Variants in TIAL1 observed in about 807,000 individuals in gnomAD.
The protein encoded by TIAL1 is TIA1 cytotoxic granule associated RNA binding protein like 1.
TIAL1 carries 7 observed loss-of-function variants against 59.7 expected under a neutral mutation model. The observed-to-expected ratio is 0.12, with a 90% confidence interval of 0.07 to 0.22. TIAL1 has a LOEUF of 0.22. TIAL1 is among the 10% of genes least tolerant of loss of function. The pLI, the probability that TIAL1 is intolerant of heterozygous loss-of-function variation, is 1.00. For missense variants in TIAL1, 225 were observed against 462.5 expected (o/e 0.49, Z 4.71); for synonymous variants, 149 against 146.3 (o/e 1.02, Z -0.13).
chr10:119,592,531 C>T (rs1348774469), intron 1 of TIAL1, among the ~76,000 whole-genome samples: 2 of 152,152 alleles, frequency 1.3e-5, no homozygotes, highest in African/African-American at 4.8e-5. Flanking sequence ...CCTACCAAGG[C>T]TGAAATTATC....
In TIAL1 at chr10:119,577,688, G is replaced by T. The variant is rs749245419; in HGVS notation, c.605C>A (p.Pro202Gln). The T allele has an allele frequency of 2.5e-6, 4 of 1,614,120 alleles. No homozygotes were observed. Among genetic ancestry groups the T allele is most frequent in the Middle Eastern group, 1.6e-4 (1 of 6,062 alleles). The change falls in exon 8 of 12, where the codon CCA (proline) becomes CAA (glutamine). Residue 202 changes from proline to glutamine, a missense_variant. Coordinates refer to ENST00000436547, the MANE Select transcript of TIAL1 (RefSeq NM_003252.4). ...TCCACAGTACACAGTACAATTTTTT[G>T]GACTTGACTGGTTTACTACATCTTC... is the stretch of plus-strand genomic sequence containing the variant. Reference protein sequence around the residue: ...RFEDVVNQSSPKNCTVYCGGI... With the variant: ...RFEDVVNQSSQKNCTVYCGGI...
At chr10:119,580,615 C>G in intron 5 of TIAL1, 1 of 996,020 alleles carries the variant, frequency 1.0e-6, no homozygotes, top group Non-Finnish European at 1.2e-6. Context: ...GCTAAGCACA[C>G]CAGTACGAAA....
At chr10:119,587,768 T>C (rs1845642916) in intron 2 of TIAL1, among the ~76,000 whole-genome samples, 1 of 152,132 alleles carries the variant, frequency 6.6e-6, no homozygotes, top group African/African-American at 2.4e-5. Context: ...AGACGAACGG[T>C]GCTGCACACT....
At chr10:119,595,028 T>C (rs1020978741) in intron 1 of TIAL1, among the ~76,000 whole-genome samples, 5 of 152,208 alleles carry the variant, frequency 3.3e-5, no homozygotes, top group Non-Finnish European at 7.3e-5. Flanking sequence ...AGGCGTTTCA[T>C]TGAAGCATTG....
Position 119,574,599 on chromosome 10 carries a change from A to AAAAAAAAAAAAAAAAAG in TIAL1, c.*1065_*1066insCTTTTTTTTTTTTTTTT, listed in dbSNP as rs1844879125. 1 of 150,474 alleles carries AAAAAAAAAAAAAAAAAG rather than the reference A, an allele frequency of 6.6e-6. No homozygotes were observed. Among genetic ancestry groups the AAAAAAAAAAAAAAAAAG allele is most frequent in the African/African-American group, 2.5e-5 (1 of 40,566 alleles). The allele number at this position is 150,474 out of a possible 1,614,324, so 9.3% of individuals were successfully genotyped here. ...AGTAATGTAAAGCAAAAAAAAAAAA[A>AAAAAAAAAAAAAAAAAG]AAAAAAAACAAAAACAAAAAACTAA... On this transcript the variant is annotated 3_prime_UTR_variant, in exon 12 of 12. Coordinates refer to ENST00000436547, the MANE Select transcript of TIAL1 (RefSeq NM_003252.4).
chr10:119,596,492 A>G lies in TIAL1; in HGVS notation c.-27T>C. The G allele has an allele frequency of 7.8e-7, 1 of 1,280,570 alleles. No individual in the cohort carries two copies. The highest frequency in any genetic ancestry group is 1.0e-6 in the Non-Finnish European group (1 of 960,316). The allele number at this position is 1,280,570 out of a possible 1,614,324, so 79.3% of individuals were successfully genotyped here. Reference sequence around the variant, plus strand: ...GTGGGTGCGACGGAGCGATCCCGGGACAAGGGGGAGGGCAGGGTTGGGGAG... The same window carrying G: ...GTGGGTGCGACGGAGCGATCCCGGGGCAAGGGGGAGGGCAGGGTTGGGGAG... On this transcript the variant is annotated 5_prime_UTR_variant, in exon 1 of 12. Transcript: ENST00000436547.
chr10:119,585,544 A>T (rs1310448021), intron 2 of TIAL1, among the ~76,000 whole-genome samples: 1 of 152,204 alleles, frequency 6.6e-6, no homozygotes, highest in East Asian at 1.9e-4. Flanking sequence ...ACAGAGAAAT[A>T]TGAGACTTTA....
intron 1 of TIAL1, chr10:119,588,488 C>G (rs1235540442): frequency 3.7e-6 from 1 of 270,260 alleles, no homozygotes; most frequent in Admixed American, 5.2e-5. Context: ...GGATTACAGG[C>G]GCATGCCACC....
Position 119,596,495 on chromosome 10 carries a change from A to T in TIAL1, c.-30T>A. ...GGTGCGACGGAGCGATCCCGGGACAAGGGGGAGGGCAGGGTTGGGGAGGGG... is the reference window on the plus strand; with the variant it reads ...GGTGCGACGGAGCGATCCCGGGACATGGGGGAGGGCAGGGTTGGGGAGGGG... On this transcript the variant is annotated 5_prime_UTR_variant, in exon 1 of 12. In the 5' UTR this introduces an upstream ATG that the reference lacks. Transcript: ENST00000436547. The T allele has an allele frequency of 1.7e-6, 1 of 574,930 alleles. No individual in the cohort carries two copies. Among genetic ancestry groups the T allele is most frequent in the Non-Finnish European group, 2.2e-6 (1 of 457,448 alleles). The allele number at this position is 574,930 out of a possible 1,614,324, so 35.6% of individuals were successfully genotyped here. A position where few individuals can be genotyped will look rare whatever the true frequency, so the allele number is the denominator to read the frequency against.
At position 119,596,552 on chromosome 10, in the gene TIAL1, G is replaced by T. The variant is rs1846210690; in HGVS notation, c.-87C>A. On this transcript the variant is annotated 5_prime_UTR_variant, in exon 1 of 12. Coordinates refer to ENST00000436547, the MANE Select transcript of TIAL1 (RefSeq NM_003252.4). Reference sequence around the variant, plus strand: ...TGGGGAGGAAGGGGAGGGGGGCTCTGGGCACCGGCTGGGGACAGAGGAAAA... The same window carrying T: ...TGGGGAGGAAGGGGAGGGGGGCTCTTGGCACCGGCTGGGGACAGAGGAAAA... 1.0e-5 allele frequency: 10 copies of T among 954,368 alleles called. No homozygotes were observed. Among genetic ancestry groups the T allele is most frequent in the Non-Finnish European group, 1.4e-5 (9 of 639,284 alleles). The allele number at this position is 954,368 out of a possible 1,614,324, so 59.1% of individuals were successfully genotyped here.
intron 2 of TIAL1, among the ~76,000 whole-genome samples, chr10:119,583,260 A>T (rs1845383281): frequency 6.6e-6 from 1 of 152,208 alleles, no homozygotes; most frequent in Admixed American, 6.5e-5. Context: ...TCAAGAAAAG[A>T]GGTTCTGAAA....
intron 1 of TIAL1, among the ~76,000 whole-genome samples, chr10:119,591,096 G>A (rs906929507): frequency 1.1e-4 from 16 of 152,132 alleles, no homozygotes; most frequent in South Asian, 2.1e-4. Flanking sequence ...AAAAAAAGCC[G>A]TCACTGCTTA....
chr10:119,594,905 G>A (rs1846082020), intron 1 of TIAL1, among the ~76,000 whole-genome samples: 1 of 152,200 alleles, frequency 6.6e-6, no homozygotes, highest in Non-Finnish European at 1.5e-5. Flanking sequence ...TTACAGGCGT[G>A]AGCCACTGCG....
At position 119,595,966 on chromosome 10, in the gene TIAL1, G is replaced by A. The variant is rs1380825409; in HGVS notation, c.32+468C>T. On this transcript the variant is annotated intron_variant, in intron 1 of 11. Transcript: ENST00000436547. ...GCTTAGCTGGGGAGAAGAGCTGGGA[G>A]CGACTCGAGCTGAGGACGTGGAAGG... Among the ~76,000 whole-genome samples the A allele has an allele frequency of 2.6e-5, 4 of 152,086 alleles. No individual in the cohort carries two copies. In the East Asian group the frequency reaches 7.8e-4, roughly 30 times the overall value.
At chr10:119,576,880 G>A (rs1060033) in intron 10 of TIAL1, 130 bp from the exon 11 acceptor site, 2 of 1,395,204 alleles carry the variant, frequency 1.4e-6, no homozygotes, top group South Asian at 1.4e-5. Context: ...ATTTATCATT[G>A]TCTAAGTTTA....
At chr10:119,581,481 T>C (rs189557425) in intron 5 of TIAL1, among the ~76,000 whole-genome samples, 71 of 152,180 alleles carry the variant, frequency 4.7e-4, no homozygotes, top group African/African-American at 1.5e-3. Flanking sequence ...AATCACAATA[T>C]ATCCAAGGAT....
At chr10:119,583,813 C>T (rs1326598167) in intron 2 of TIAL1, among the ~76,000 whole-genome samples, 2 of 152,170 alleles carry the variant, frequency 1.3e-5, no homozygotes, top group Non-Finnish European at 2.9e-5. Context: ...CAAAATCCTA[C>T]TGTTGTAGCC....
In TIAL1 at chr10:119,595,616, C is replaced by T. The variant is rs572872529; in HGVS notation, c.32+818G>A. ...AGCAACAGCAAGACAGGAGAAAAAG[C>T]GTTCAGAAGACACACATCAAATAGC... On this transcript the variant is annotated intron_variant, in intron 1 of 11. Coordinates refer to ENST00000436547, the MANE Select transcript of TIAL1 (RefSeq NM_003252.4). Among the ~76,000 whole-genome samples, 86 of 152,214 alleles carry T rather than the reference C, an allele frequency of 5.6e-4. No homozygotes were observed. The South Asian group carries it at 0.017, about 29-fold the overall frequency.
In TIAL1 at chr10:119,575,918, TAGAA is replaced by T. The variant is rs1844966459; in HGVS notation, c.1002-131_1002-128del. ...CAGAAATCAACACACCTACAACAAA[TAGAA>T]AGATCAAAGAAATAAATGATATATG... On this transcript the variant is annotated intron_variant, in intron 11 of 11. Transcript: ENST00000436547. 4.7e-6 allele frequency: 4 copies of T among 858,654 alleles called. No homozygotes were observed. The South Asian group carries it at 9.0e-5, about 19-fold the overall frequency. The allele number at this position is 858,654 out of a possible 1,614,324, so 53.2% of individuals were successfully genotyped here. A position where few individuals can be genotyped will look rare whatever the true frequency, so the allele number is the denominator to read the frequency against.
Sources: gnomAD v4.1 joint callset for allele counts (sites outside exome capture counted in the v4.1 genomes callset) on GRCh38, gnomAD v4.1.1 for gene constraint, MANE v1.5 for transcripts, NCBI Gene and HGNC (gene_info 2026-07-23, HGNC 2026-07-21) for gene names.